The following NCAM1 variants were observed in gnomAD, a reference collection of about 807,000 sequenced individuals.
The protein encoded by NCAM1 is antigen recognized by monoclonal antibody 5.1H11.
In NCAM1, 14 loss-of-function variants were observed where a neutral mutation model predicts 109.8. That is an observed-to-expected ratio of 0.13 (90% CI 0.08 to 0.20). The LOEUF (loss-of-function observed/expected upper bound fraction) is 0.20. NCAM1 is among the 10% of genes least tolerant of loss of function. The pLI is 1.00. For synonymous variants in NCAM1, 418 were observed against 442.9 expected (o/e 0.94, Z 0.70); for missense variants, 774 against 1,109.9 (o/e 0.70, Z 4.30).
chr11:113,158,919 C>T (rs1555103874), intron 1 of NCAM1, among the ~76,000 whole-genome samples: 1 of 152,178 alleles, frequency 6.6e-6, no homozygotes, highest in East Asian at 1.9e-4. Context: ...TTATCTAAAA[C>T]ATCAAGTTTT....
intron 1 of NCAM1, among the ~76,000 whole-genome samples, chr11:113,120,229 G>A (rs1940900559): frequency 6.6e-6 from 1 of 152,204 alleles, no homozygotes; most frequent in African/African-American, 2.4e-5. Flanking sequence ...TAGTGTTAAT[G>A]TTTGCTCTGA....
Position 112,963,612 on chromosome 11 carries a change from G to A in NCAM1, c.52+1948G>A, listed in dbSNP as rs191106404. Among the ~76,000 whole-genome samples the A allele has an allele frequency of 6.6e-6, 1 of 152,178 alleles. No homozygotes were observed. The highest frequency in any genetic ancestry group is 1.5e-5 in the Non-Finnish European group (1 of 68,012). On this transcript the variant is annotated intron_variant, in intron 1 of 19. Transcript: ENST00000316851. The surrounding 1 kb of genome is among the most constrained non-coding windows in gnomAD (Gnocchi z 4.6). Reference sequence around the variant, plus strand: ...GGCCACCCCGGTTATGCCCCTTTCCGCGGTGCCCGTGGGTGCCGCGACGCG... The same window carrying A: ...GGCCACCCCGGTTATGCCCCTTTCCACGGTGCCCGTGGGTGCCGCGACGCG...
chr11:113,277,143 C>T lies in NCAM1; in HGVS notation c.*1756C>T, dbSNP rs1011562249. On this transcript the variant is annotated 3_prime_UTR_variant, in exon 20 of 20. Coordinates refer to ENST00000316851, the MANE Select transcript of NCAM1 (RefSeq NM_181351.5). The stretch of plus-strand genomic sequence containing the variant: ...GATGCTAAGTAAACAGAAATCAGTA[C>T]TCCGCATGCGCTCCTCTCCTAAGGT... 16 of 393,394 alleles carry T rather than the reference C, an allele frequency of 4.1e-5. No individual in the cohort carries two copies. The highest frequency in any genetic ancestry group is 7.2e-5 in the Non-Finnish European group (16 of 223,180). 24.4% of individuals were successfully genotyped at this position (393,394 alleles called of 1,614,324 possible).
chr11:113,148,198 C>A (rs1468378174), intron 1 of NCAM1, among the ~76,000 whole-genome samples: 1 of 152,108 alleles, frequency 6.6e-6, no homozygotes, highest in South Asian at 2.1e-4. Flanking sequence ...GCAGTTCGGA[C>A]GTGCAGGTGT....
rs77153794 is a variant in NCAM1 at position 113,189,790 on chromosome 11, A to G, written c.53-12589A>G. Among the ~76,000 whole-genome samples the G allele has an allele frequency of 1.9e-3, 291 of 152,222 alleles. 9 individuals carry two copies. In the East Asian group the frequency reaches 0.039, roughly 21 times the overall value. On this transcript the variant is annotated intron_variant, in intron 1 of 19. Transcript: ENST00000316851. ...TTGGGTTTGGATTGAGGGAGGAGGA[A>G]AGTCTTAAGAAAATCGTGAAAGAAC...
rs1945942489 is a variant in NCAM1 at position 113,259,992 on chromosome 11, A to C, written c.1954-154A>C. On this transcript the variant is annotated intron_variant, in intron 16 of 19. Coordinates refer to ENST00000316851, the MANE Select transcript of NCAM1 (RefSeq NM_181351.5). Reference sequence around the variant, plus strand: ...GTGGCTAGGATTATAGGCATGAGCCACCGCGCCCACCCCCATCATTGCTTC... The same window carrying C: ...GTGGCTAGGATTATAGGCATGAGCCCCCGCGCCCACCCCCATCATTGCTTC... 6 of 634,950 alleles carry C rather than the reference A, an allele frequency of 9.4e-6. No individual in the cohort carries two copies. In the East Asian group the frequency reaches 1.8e-4, roughly 19 times the overall value. 39.3% of individuals were successfully genotyped at this position (634,950 alleles called of 1,614,324 possible). A position where few individuals can be genotyped will look rare whatever the true frequency, so the allele number is the denominator to read the frequency against.
At chr11:113,011,533 G>A (rs1470564491) in intron 1 of NCAM1, among the ~76,000 whole-genome samples, 2 of 151,928 alleles carry the variant, frequency 1.3e-5, no homozygotes, top group African/African-American at 2.4e-5. Flanking sequence ...CTGAGGAATC[G>A]CCACACTGAC....
Position 113,207,397 on chromosome 11 carries a change from C to A in NCAM1, c.746+19C>A, listed in dbSNP as rs781993227. On this transcript the variant is annotated intron_variant, in intron 6 of 19. Coordinates refer to ENST00000316851, the MANE Select transcript of NCAM1 (RefSeq NM_181351.5). The stretch of plus-strand genomic sequence containing the variant: ...GGACAAAGTAAGAAACTGGCTCATA[C>A]CTTTTATCATGGACTAGAGGAGAAT... The A allele has an allele frequency of 1.9e-6, 3 of 1,585,460 alleles. No homozygotes were observed. Among genetic ancestry groups the A allele is most frequent in the Non-Finnish European group, 2.6e-6 (3 of 1,154,204 alleles).
chr11:113,016,469 A>G lies in NCAM1; in HGVS notation c.52+54805A>G, dbSNP rs78181269. On this transcript the variant is annotated intron_variant, in intron 1 of 19. Coordinates refer to ENST00000316851, the MANE Select transcript of NCAM1 (RefSeq NM_181351.5). Reference sequence around the variant, plus strand: ...TCCACCCAAGCAGCTTTTGCTTAGCAGTGACAATTCACCATCCAGCCTTTA... The same window carrying G: ...TCCACCCAAGCAGCTTTTGCTTAGCGGTGACAATTCACCATCCAGCCTTTA... 8.0e-3 allele frequency among the ~76,000 whole-genome samples: 1,219 copies of G among 152,280 alleles called. 6 individuals carry two copies. Among genetic ancestry groups the G allele is most frequent in the Non-Finnish European group, 0.012 (842 of 68,022 alleles).
intron 1 of NCAM1, among the ~76,000 whole-genome samples, chr11:113,142,843 A>G (rs1416142311): frequency 3.9e-5 from 6 of 152,196 alleles, no homozygotes; most frequent in Non-Finnish European, 7.3e-5. Flanking sequence ...AGTTATTTTC[A>G]GTTTTTACTG....
chr11:113,265,901 G>T (rs183357141), intron 17 of NCAM1, among the ~76,000 whole-genome samples: 63 of 152,256 alleles, frequency 4.1e-4, no homozygotes, highest in South Asian at 1.7e-3. Context: ...GGCATCTGTG[G>T]GTCTCATTCT....
chr11:113,273,733 C>T lies in NCAM1; in HGVS notation c.2457-1534C>T, dbSNP rs550815555. 9.7e-5 allele frequency: 43 copies of T among 445,158 alleles called. No individual in the cohort carries two copies. Among genetic ancestry groups the T allele is most frequent in the African/African-American group, 6.6e-4 (33 of 49,638 alleles). 27.6% of individuals were successfully genotyped at this position (445,158 alleles called of 1,614,324 possible). On this transcript the variant is annotated intron_variant, in intron 19 of 19. Coordinates refer to ENST00000316851, the MANE Select transcript of NCAM1 (RefSeq NM_181351.5). The surrounding 1 kb of genome is among the most constrained non-coding windows in gnomAD (Gnocchi z 6.0). ...ACTGCAGACAGCTCTGTTTCGCCTGCGCCAGCAAAGACCGAGTACGGCCTC... is the reference window on the plus strand; with the variant it reads ...ACTGCAGACAGCTCTGTTTCGCCTGTGCCAGCAAAGACCGAGTACGGCCTC...
At chr11:112,968,913 G>A (rs1950798683) in intron 1 of NCAM1, among the ~76,000 whole-genome samples, 1 of 152,162 alleles carries the variant, frequency 6.6e-6, no homozygotes, top group Non-Finnish European at 1.5e-5. Context: ...GTCTGGAGAA[G>A]GTCAGATAGC....
At position 113,270,294 on chromosome 11, in the gene NCAM1, G is replaced by A. The variant is rs1946238205; in HGVS notation, c.2238G>A (p.Leu746=). ...LVVVDITCYF[L]NKCGLFMCIA... The stretch of plus-strand genomic sequence containing the variant: ...TTGTGGACATCACCTGCTACTTCCT[G>A]AACAAGTGTGGCCTGTTCATGTGCA... Residue 746 remains leucine, a synonymous_variant, in exon 18 of 20, where the codon CTG becomes CTA. Transcript: ENST00000316851. 4 of 1,613,912 alleles carry A rather than the reference G, an allele frequency of 2.5e-6. No homozygotes were observed. Among genetic ancestry groups the A allele is most frequent in the Non-Finnish European group, 2.5e-6 (3 of 1,179,902 alleles).
At chr11:113,237,875 T>TATATAGATATATATAG (rs200669396) in intron 14 of NCAM1, among the ~76,000 whole-genome samples, 1 of 44,352 alleles carries the variant, frequency 2.3e-5, no homozygotes, top group African/African-American at 5.5e-5. Flanking sequence ...GATATATAGA[T>TATATAGATATATATAG]ATATATAGAT....
chr11:113,040,794 G>A (rs1555079864), intron 1 of NCAM1: 1 of 152,134 alleles, frequency 6.6e-6, no homozygotes, highest in Non-Finnish European at 1.5e-5. Context: ...GAAAATGAAA[G>A]TGTTTTTACA....
chr11:112,972,245 T>C (rs1158075373), intron 1 of NCAM1, among the ~76,000 whole-genome samples: 15 of 152,104 alleles, frequency 9.9e-5, no homozygotes, highest in Non-Finnish European at 1.9e-4. Flanking sequence ...GAATCCCAGT[T>C]AAAGAGACTA....
At chr11:113,063,555 G>A (rs1555083751) in intron 1 of NCAM1, among the ~76,000 whole-genome samples, 1 of 152,168 alleles carries the variant, frequency 6.6e-6, no homozygotes, top group African/African-American at 2.4e-5. Flanking sequence ...CAGATGAACT[G>A]CTTCATTTCA....
intron 1 of NCAM1, among the ~76,000 whole-genome samples, chr11:113,200,499 C>G (rs371084434): frequency 2.6e-5 from 4 of 152,258 alleles, no homozygotes; most frequent in African/African-American, 7.2e-5. Context: ...AACGTTTTGC[C>G]CTCTGTGCAG....
Sources: gnomAD v4.1 joint callset for allele counts (sites outside exome capture counted in the v4.1 genomes callset) on GRCh38, gnomAD v4.1.1 for gene constraint, Gnocchi (gnomAD v3.1) non-coding constraint, MANE v1.5 for transcripts, NCBI Gene and HGNC (gene_info 2026-07-23, HGNC 2026-07-21) for gene names.